CHRM3: variants seen among roughly 807,000 people sequenced by gnomAD.
CHRM3 encodes cholinergic receptor muscarinic 3, also known as muscarinic acetylcholine receptor M3.
A neutral mutation model predicts 41.8 loss-of-function variants in CHRM3; 11 were observed. The ratio of observed to expected loss-of-function variants is 0.26; its 90% CI spans 0.17 to 0.44. The LOEUF is 0.44. CHRM3 is among the 20% of genes least tolerant of loss of function. CHRM3 has a pLI of 1.00. For synonymous variants in CHRM3, 297 were observed against 301.4 expected, an observed-to-expected ratio of 0.99 and a Z score of 0.15; for missense variants, 571 against 745.4, an observed-to-expected ratio of 0.77 and a Z score of 2.72.
chr1:239,575,679 G>A (rs890961563), intron 3 of CHRM3, among the ~76,000 whole-genome samples: 4 of 152,110 alleles, frequency 2.6e-5, no homozygotes, highest in South Asian at 2.1e-4. Context: ...GCTCTAGTCA[G>A]TGACGGTCAT....
chr1:239,429,098 T>C (rs1430562134), intron 1 of CHRM3, among the ~76,000 whole-genome samples: 1 of 152,226 alleles, frequency 6.6e-6, no homozygotes, highest in African/African-American at 2.4e-5. Flanking sequence ...AATTACTAGG[T>C]TGAAGAACAA....
At chr1:239,497,845 G>A (rs1244381311) in intron 2 of CHRM3, among the ~76,000 whole-genome samples, 1 of 152,178 alleles carries the variant, frequency 6.6e-6, no homozygotes, top group Non-Finnish European at 1.5e-5. Flanking sequence ...AGGGGGCAGG[G>A]ATCTGCCATG....
intron 1 of CHRM3, among the ~76,000 whole-genome samples, chr1:239,469,193 T>C (rs937749477): frequency 6.6e-6 from 1 of 152,252 alleles, no homozygotes; most frequent in Non-Finnish European, 1.5e-5. Flanking sequence ...AGGGTTATTG[T>C]AGAGGGTCAG....
At chr1:239,629,363 C>A (rs1241431695) in intron 3 of CHRM3, 2 of 126,024 alleles carry the variant, frequency 1.6e-5, no homozygotes, top group Non-Finnish European at 3.2e-5. Context: ...CTTCGGCTCG[C>A]GCACGGTGCG....
intron 1 of CHRM3, among the ~76,000 whole-genome samples, chr1:239,394,592 A>G (rs1209827396): frequency 3.3e-5 from 5 of 152,160 alleles, no homozygotes; most frequent in African/African-American, 1.2e-4. Flanking sequence ...ATTAATGAAC[A>G]ACTTTTGGCT....
intron 6 of CHRM3, among the ~76,000 whole-genome samples, chr1:239,847,215 C>A (rs1039385709): frequency 2.6e-5 from 4 of 152,150 alleles, no homozygotes; most frequent in Non-Finnish European, 5.9e-5. Context: ...TTCAACACTT[C>A]CTTTTATTTC....
intron 4 of CHRM3, among the ~76,000 whole-genome samples, chr1:239,669,818 A>C (rs1331066462): frequency 6.6e-6 from 1 of 152,222 alleles, no homozygotes; most frequent in Non-Finnish European, 1.5e-5. Context: ...AAAAGCAGAG[A>C]GAATACTATA....
intron 6 of CHRM3, among the ~76,000 whole-genome samples, chr1:239,899,276 A>AGTGTGTGTGTGTGT (rs71168861): frequency 3.0e-5 from 4 of 134,636 alleles, no homozygotes; most frequent in African/African-American, 1.2e-4. Flanking sequence ...TTTTGAACTC[A>AGTGTGTGTGTGTGT]GTGTGTGTGT....
Position 239,686,006 on chromosome 1 carries a change from A to T in CHRM3, c.-147+7718A>T, listed in dbSNP as rs550782504. Reference sequence around the variant, plus strand: ...AAAACAAAAACAAACAAACAAAAAAACTGTGTTCTGTCGTTGACTCCCCAT... The same window carrying T: ...AAAACAAAAACAAACAAACAAAAAATCTGTGTTCTGTCGTTGACTCCCCAT... On this transcript the variant is annotated intron_variant, in intron 5 of 6. Coordinates refer to ENST00000676153, the MANE Select transcript of CHRM3 (RefSeq NM_001375978.1). Among the ~76,000 whole-genome samples, 3 of 151,986 alleles carry T rather than the reference A, an allele frequency of 2.0e-5. No individual in the cohort carries two copies. In the East Asian group the frequency reaches 5.8e-4, roughly 29 times the overall value.
intron 5 of CHRM3, among the ~76,000 whole-genome samples, chr1:239,696,249 G>T (rs890939485): frequency 6.6e-6 from 1 of 152,188 alleles, no homozygotes; most frequent in East Asian, 1.9e-4. Flanking sequence ...TACCTGTTCC[G>T]TGACTTGCCA....
chr1:239,495,740 T>C (rs1667837373), intron 2 of CHRM3, among the ~76,000 whole-genome samples: 1 of 152,160 alleles, frequency 6.6e-6, no homozygotes, highest in African/African-American at 2.4e-5. Flanking sequence ...GAAGAAATCA[T>C]CAAATCCCTA....
At chr1:239,578,490 A>T (rs1279195733) in intron 3 of CHRM3, among the ~76,000 whole-genome samples, 8 of 152,192 alleles carry the variant, frequency 5.3e-5, no homozygotes, top group Non-Finnish European at 2.9e-5. Context: ...TCAATATCTG[A>T]AAGCTCACCC....
intron 5 of CHRM3, among the ~76,000 whole-genome samples, chr1:239,786,010 T>A (rs528255581): frequency 1.3e-5 from 2 of 152,320 alleles, no homozygotes; most frequent in East Asian, 3.9e-4. Context: ...TTACACAATA[T>A]TGATCAGTCT....
chr1:239,558,761 CA>C (rs1450019855), intron 3 of CHRM3, among the ~76,000 whole-genome samples: 1 of 152,162 alleles, frequency 6.6e-6, no homozygotes, highest in Non-Finnish European at 1.5e-5. Context: ...ATATACAGGT[CA>C]AAAGTTTTTG....
At chr1:239,409,928 G>A (rs1038808585) in intron 1 of CHRM3, among the ~76,000 whole-genome samples, 8 of 152,134 alleles carry the variant, frequency 5.3e-5, no homozygotes, top group South Asian at 2.1e-4. Flanking sequence ...GTGACAGAGC[G>A]AGACTCCGTC....
intron 6 of CHRM3, among the ~76,000 whole-genome samples, chr1:239,875,721 A>G (rs1677059521): frequency 6.6e-6 from 1 of 152,222 alleles, no homozygotes; most frequent in Non-Finnish European, 1.5e-5. Context: ...TTGGTCTTCA[A>G]TACTGGTGTT....
intron 5 of CHRM3, among the ~76,000 whole-genome samples, chr1:239,744,090 A>G (rs1024940066): frequency 2.0e-5 from 3 of 151,494 alleles, no homozygotes; most frequent in Admixed American, 6.6e-5. Context: ...GATTATAGGT[A>G]TGAGCCACTG....
chr1:239,604,595 C>T (rs919793287), intron 3 of CHRM3, among the ~76,000 whole-genome samples: 1 of 152,138 alleles, frequency 6.6e-6, no homozygotes, highest in African/African-American at 2.4e-5. Flanking sequence ...TGTTGGGTGG[C>T]AACTGCCCTC....
At chr1:239,730,017 C>G (rs1663812773) in intron 5 of CHRM3, among the ~76,000 whole-genome samples, 1 of 151,882 alleles carries the variant, frequency 6.6e-6, no homozygotes, top group African/African-American at 2.4e-5. Flanking sequence ...GAAACAAAGA[C>G]ACAAGAATCT....
Sources: allele counts gnomAD v4.1 joint callset (sites outside exome capture counted in the v4.1 genomes callset), GRCh38; gene constraint gnomAD v4.1.1; transcripts MANE v1.5; gene names NCBI Gene and HGNC (gene_info 2026-07-23, HGNC 2026-07-21).